Variants in EXOC2 observed in about 807,000 individuals in gnomAD.
EXOC2 encodes the protein exocyst complex component 2, also known as SEC5-like 1.
In EXOC2, 70 loss-of-function variants were observed where a neutral mutation model predicts 131.8. The observed-to-expected ratio is 0.53, with a 90% confidence interval of 0.44 to 0.65. The LOEUF (loss-of-function observed/expected upper bound fraction) is 0.65. Ranked by LOEUF, EXOC2 falls within the 30% of genes least tolerant of loss-of-function variation. The probability of loss-of-function intolerance (pLI) is 0.00; values close to 1 mark genes in which losing one functional copy is unlikely to be tolerated. For missense variants in EXOC2, 923 were observed against 1,108.6 expected (o/e 0.83, Z 2.38); for synonymous variants, 411 against 398.4 (o/e 1.03, Z -0.38).
intron 1 of EXOC2, among the ~76,000 whole-genome samples, chr6:673,189 G>A (rs189377732): frequency 6.5e-4 from 92 of 142,248 alleles, no homozygotes; most frequent in East Asian, 4.5e-3. Flanking sequence ...TTGAATCTGG[G>A]TTGCAGAGGC....
chr6:494,567 C>T (rs4959951), intron 25 of EXOC2, among the ~76,000 whole-genome samples: 103,870 of 151,974 alleles, frequency 0.68, 38,644 homozygotes, highest in Non-Finnish European at 0.83. Flanking sequence ...ACAGAACCAG[C>T]ACCCTGTGAC....
intron 4 of EXOC2, among the ~76,000 whole-genome samples, chr6:626,677 C>T (rs1407977554): frequency 6.6e-6 from 1 of 152,068 alleles, no homozygotes; most frequent in African/African-American, 2.4e-5. Context: ...CTGCAACTTC[C>T]ACCTCCTGAG....
At chr6:598,780 T>C (rs1426049171) in intron 9 of EXOC2, 80 bp downstream of exon 9, 21 of 1,180,844 alleles carry the variant, frequency 1.8e-5, no homozygotes, top group Non-Finnish European at 2.4e-5. Context: ...AAAACTCATA[T>C]AACATTCTTT....
chr6:508,662 C>A (rs1463505808), intron 23 of EXOC2, among the ~76,000 whole-genome samples: 4 of 152,346 alleles, frequency 2.6e-5, no homozygotes, highest in Middle Eastern at 3.4e-3. Flanking sequence ...GACCGTAACA[C>A]ATTTATTCAC....
At position 595,730 on chromosome 6, in the gene EXOC2, T is replaced by C. The variant is rs566268831; in HGVS notation, c.1073+2291A>G. Among the ~76,000 whole-genome samples the C allele has an allele frequency of 3.7e-4, 57 of 152,096 alleles. 1 individual carries two copies. The highest frequency in any genetic ancestry group is 1.2e-3 in the African/African-American group (51 of 41,404). The stretch of plus-strand genomic sequence containing the variant: ...AACAAGTGTAAACAGGCCAGAAATA[T>C]ACAAAGCACACGCAGTGAAGGAGCA... On this transcript the variant is annotated intron_variant, in intron 10 of 27. Coordinates refer to ENST00000230449, the MANE Select transcript of EXOC2 (RefSeq NM_018303.6).
Position 677,934 on chromosome 6 carries a change from T to TCACACACA in EXOC2, c.-44+15077_-44+15084dup, listed in dbSNP as rs1554150218. Among the ~76,000 whole-genome samples, 666 of 147,304 alleles carry TCACACACA rather than the reference T, an allele frequency of 4.5e-3. 4 individuals carry two copies. Among genetic ancestry groups the TCACACACA allele is most frequent in the African/African-American group, 0.015 (591 of 39,986 alleles). On this transcript the variant is annotated intron_variant, in intron 1 of 27. Transcript: ENST00000230449. Reference sequence around the variant, plus strand: ...CATCAGGGGCTGTGCTTATAATCTCTCACACACACACACACACACACACAC... The same window carrying TCACACACA: ...CATCAGGGGCTGTGCTTATAATCTCTCACACACACACACACACACACACACACACACAC...
intron 11 of EXOC2, among the ~76,000 whole-genome samples, chr6:587,314 G>A (rs1759263934): frequency 6.6e-6 from 1 of 151,824 alleles, no homozygotes; most frequent in Non-Finnish European, 1.5e-5. Flanking sequence ...GCACAATCTG[G>A]GCTCAGTGCA....
intron 1 of EXOC2, among the ~76,000 whole-genome samples, chr6:658,815 C>G (rs1317186115): frequency 6.6e-6 from 1 of 151,508 alleles, no homozygotes; most frequent in Non-Finnish European, 1.5e-5. Context: ...GCGCCTGCCA[C>G]CATGCCCAGC....
rs1201157287 is a variant in EXOC2, at chr6:632,983, T to C, written c.253A>G (p.Thr85Ala). Residue 85 changes from threonine to alanine, a missense_variant, in exon 3 of 28, where the codon ACC (threonine) becomes GCC (alanine). Thr to Ala is a moderately conservative substitution (Grantham distance 58, BLOSUM62 0). Transcript: ENST00000230449. ...AGTAGCTTGAAAGAGACTGTTGAGG[T>C]TCCTCTGCCACCTGACTTAGTGGTG... is the stretch of plus-strand genomic sequence containing the variant. ...IVTTKSGGRG[T>A]STVSFKLLKP... 1.9e-6 allele frequency: 3 copies of C among 1,614,144 alleles called. No individual in the cohort carries two copies. The African/African-American group carries it at 4.0e-5, about 22-fold the overall frequency.
At chr6:645,827 A>G (rs1364189125) in intron 1 of EXOC2, among the ~76,000 whole-genome samples, 1 of 152,066 alleles carries the variant, frequency 6.6e-6, no homozygotes, top group Non-Finnish European at 1.5e-5. Flanking sequence ...GACCTTGGAG[A>G]AATGGCTGAT....
Position 656,369 on chromosome 6 carries a change from A to G in EXOC2, c.-43-18508T>C, listed in dbSNP as rs150271447. ...GAATGGACACCACCTCCGTCTCTAT[A>G]CTCAGGGTCATCCTGCCACTGAGGT... On this transcript the variant is annotated intron_variant, in intron 1 of 27. Transcript: ENST00000230449. 6.3e-5 allele frequency: 101 copies of G among 1,613,974 alleles called. No individual in the cohort carries two copies. In the African/African-American group the frequency reaches 1.3e-3, roughly 20 times the overall value.
At chr6:586,455 A>G (rs567570432) in intron 11 of EXOC2, among the ~76,000 whole-genome samples, 123 of 152,354 alleles carry the variant, frequency 8.1e-4, no homozygotes, top group Admixed American at 1.6e-3. Context: ...CATTGCACAT[A>G]TAATTTTAGA....
intron 21 of EXOC2, among the ~76,000 whole-genome samples, chr6:550,127 C>G (rs373955802): frequency 3.3e-5 from 5 of 152,250 alleles, no homozygotes; most frequent in African/African-American, 1.2e-4. Context: ...GGCAGGCGGG[C>G]CTTCTCTGGA....
intron 4 of EXOC2, among the ~76,000 whole-genome samples, chr6:627,243 CAAAAAA>C (rs144043704): frequency 3.4e-5 from 4 of 118,960 alleles, no homozygotes; most frequent in East Asian, 2.5e-4. Flanking sequence ...TGACAGTATC[CAAAAAA>C]AAAAAAAAAA....
intron 27 of EXOC2, among the ~76,000 whole-genome samples, chr6:487,138 C>G (rs992570462): frequency 6.6e-6 from 1 of 152,158 alleles, no homozygotes; most frequent in Admixed American, 6.5e-5. Flanking sequence ...CAAAGCCATA[C>G]CGGAGTGTAA....
chr6:514,076 A>T (rs1764998699), intron 23 of EXOC2, among the ~76,000 whole-genome samples: 3 of 152,326 alleles, frequency 2.0e-5, no homozygotes, highest in African/African-American at 7.2e-5. Context: ...ATGCTCCTTG[A>T]CGGCTGTAGA....
At chr6:671,688 T>C (rs1343978974) in intron 1 of EXOC2, among the ~76,000 whole-genome samples, 1 of 152,212 alleles carries the variant, frequency 6.6e-6, no homozygotes, top group African/African-American at 2.4e-5. Context: ...TCCTTCACGT[T>C]TGAAGGATAA....
intron 23 of EXOC2, among the ~76,000 whole-genome samples, chr6:526,578 T>C (rs1434058968): frequency 6.6e-6 from 1 of 151,756 alleles, no homozygotes; most frequent in Admixed American, 6.6e-5. Context: ...GTAGCTGGGA[T>C]GACAGGAATG....
chr6:617,966 G>T, intron 5 of EXOC2, 131 bp from the exon 6 acceptor site: 1 of 1,064,244 alleles, frequency 9.4e-7, no homozygotes, highest in Non-Finnish European at 1.3e-6. Context: ...ATCATACGAA[G>T]CCAGATGAAA....
Sources: gnomAD v4.1 joint callset for allele counts (sites outside exome capture counted in the v4.1 genomes callset) on GRCh38, gnomAD v4.1.1 for gene constraint, MANE v1.5 for transcripts, NCBI Gene and HGNC (gene_info 2026-07-23, HGNC 2026-07-21) for gene names.